SP140: variants seen among roughly 807,000 people sequenced by gnomAD.
The protein encoded by SP140 is SP140 nuclear body protein.
A neutral mutation model predicts 125.0 loss-of-function variants in SP140; 81 were observed. The observed-to-expected ratio is 0.65, with a 90% CI of 0.54 to 0.78. SP140 has a LOEUF of 0.78. Ranked by LOEUF, SP140 falls within the 30% of genes least tolerant of loss-of-function variation. The pLI is 0.00. For missense variants in SP140, 858 were observed against 1,037.0 expected (o/e 0.83, Z 2.37); for synonymous variants, 312 against 354.0 (o/e 0.88, Z 1.33).
At chr2:230,284,948 G>A (rs1209605553) in intron 16 of SP140, among the ~76,000 whole-genome samples, 1 of 152,010 alleles carries the variant, frequency 6.6e-6, no homozygotes, top group Non-Finnish European at 1.5e-5. Flanking sequence ...TAGAGGTGAT[G>A]TTTATATATT....
chr2:230,302,231 A>C (rs1022549917), intron 22 of SP140, among the ~76,000 whole-genome samples: 19 of 142,558 alleles, frequency 1.3e-4, no homozygotes, highest in African/African-American at 4.6e-4. Context: ...TAAAAATACA[A>C]AAAAAAAAAA....
rs370863803 is a variant in SP140, at chr2:230,248,956, G to A, written c.964G>A (p.Gly322Ser). 9.3e-6 allele frequency: 15 copies of A among 1,609,222 alleles called. No individual in the cohort carries two copies. The highest frequency in any genetic ancestry group is 1.2e-5 in the Non-Finnish European group (14 of 1,175,846). Residue 322 changes from glycine to serine, a missense_variant, in exon 9 of 27, where the codon GGT becomes AGT. Transcript: ENST00000392045. ...EPEKGLCLLP[G>S]EGEEGSDDCS... ...AGAGAAGGGGCTCTGTCTACTACCA[G>A]GTGAAGGAGAAGGTAATTATGATTT...
At chr2:230,218,122 A>G (rs554393651) in intron 3 of SP140, among the ~76,000 whole-genome samples, 22 of 152,384 alleles carry the variant, frequency 1.4e-4, no homozygotes, top group African/African-American at 5.0e-4. Flanking sequence ...CATTCTTGAC[A>G]AATTGTCAAG....
At chr2:230,271,161 G>A (rs1406267752) in intron 15 of SP140, among the ~76,000 whole-genome samples, 1 of 152,160 alleles carries the variant, frequency 6.6e-6, no homozygotes, top group Non-Finnish European at 1.5e-5. Context: ...ATACATTTGT[G>A]TTGTTTTAAA....
intron 3 of SP140, chr2:230,238,691 T>A (rs1401609592): frequency 2.4e-6 from 3 of 1,229,828 alleles, no homozygotes; most frequent in African/African-American, 3.0e-5. Flanking sequence ...TGTCTTTTCA[T>A]GGGAAAGGAG....
upstream of SP140, among the ~76,000 whole-genome samples, chr2:230,201,155 G>A (rs533632944): frequency 6.6e-6 from 1 of 152,166 alleles, no homozygotes; most frequent in Non-Finnish European, 1.5e-5. Flanking sequence ...CTCAGGGGAG[G>A]AGCAGACCGC....
At chr2:230,207,413 A>C (rs1272976015) in intron 1 of SP140, among the ~76,000 whole-genome samples, 1 of 152,162 alleles carries the variant, frequency 6.6e-6, no homozygotes, top group African/African-American at 2.4e-5. Context: ...ACTCATATAT[A>C]TAAGGAGATA....
rs550046283 is a variant in SP140, at chr2:230,313,087, C to T, written c.*403C>T. Reference sequence around the variant, plus strand: ...TTCCGTGGCCACCTCCATGCAGAAGCCCTAAGCCCACATTCTTTCGATAGC... The same window carrying T: ...TTCCGTGGCCACCTCCATGCAGAAGTCCTAAGCCCACATTCTTTCGATAGC... On this transcript the variant is annotated 3_prime_UTR_variant, in exon 27 of 27. Transcript: ENST00000392045. 1 of 193,706 alleles carries T rather than the reference C, an allele frequency of 5.2e-6. No homozygotes were observed. The highest frequency in any genetic ancestry group is 2.4e-5 in the African/African-American group (1 of 41,804). 12.0% of individuals were successfully genotyped at this position (193,706 alleles called of 1,614,324 possible).
chr2:230,195,410 C>T, the SP140 span, among the ~76,000 whole-genome samples: 1 of 152,144 alleles, frequency 6.6e-6, no homozygotes, highest in Admixed American at 6.5e-5. Flanking sequence ...TCTCAGCTCA[C>T]TGCAATCTCC....
At chr2:230,245,663 G>A (rs2049331524) in intron 6 of SP140, among the ~76,000 whole-genome samples, 200 bp from the exon 7 acceptor site, 1 of 152,084 alleles carries the variant, frequency 6.6e-6, no homozygotes, top group South Asian at 2.1e-4. Flanking sequence ...GTTAGAGGGA[G>A]AAAAAAGAAG....
upstream of SP140, chr2:230,202,652 TGA>T: frequency 1.2e-6 from 2 of 1,614,104 alleles, no homozygotes; most frequent in Non-Finnish European, 1.7e-6. Context: ...AGTTACAAGT[TGA>T]GTCATCTTTC....
chr2:230,267,565 C>G (rs2053312432), intron 12 of SP140, among the ~76,000 whole-genome samples: 1 of 152,136 alleles, frequency 6.6e-6, no homozygotes, highest in Non-Finnish European at 1.5e-5. Context: ...CAAAACCTCC[C>G]CATTGCAAGC....
At chr2:230,244,615 G>C (rs997411541) in intron 5 of SP140, among the ~76,000 whole-genome samples, 8 of 152,132 alleles carry the variant, frequency 5.3e-5, no homozygotes, top group Non-Finnish European at 1.2e-4. Flanking sequence ...TCTGCCATGT[G>C]GGATGCAAGA....
chr2:230,270,853 G>A (rs771807053), intron 15 of SP140: 7 of 602,260 alleles, frequency 1.2e-5, no homozygotes, highest in Admixed American at 2.2e-5. Context: ...AATTAAGCTA[G>A]AGACCTTGAA....
intron 15 of SP140, among the ~76,000 whole-genome samples, chr2:230,281,011 C>T (rs2055460596): frequency 6.6e-6 from 1 of 152,060 alleles, no homozygotes; most frequent in African/African-American, 2.4e-5. Flanking sequence ...TTTATTTCTT[C>T]TCAGTATAGT....
chr2:230,280,124 C>T (rs1368666741), intron 15 of SP140, among the ~76,000 whole-genome samples: 1 of 152,154 alleles, frequency 6.6e-6, no homozygotes, highest in Non-Finnish European at 1.5e-5. Flanking sequence ...GATTTGCATA[C>T]AAATGTGTTA....
At chr2:230,288,523 T>TTCTTTCTTTCTTTC (rs2056743432) in intron 18 of SP140, among the ~76,000 whole-genome samples, 1 of 150,818 alleles carries the variant, frequency 6.6e-6, no homozygotes, top group Non-Finnish European at 1.5e-5. Context: ...CTTTCTTTCT[T>TTCTTTCTTTCTTTC]TTTTTATTCT....
chr2:230,271,554 T>A (rs1311091700), intron 15 of SP140, among the ~76,000 whole-genome samples: 3 of 152,212 alleles, frequency 2.0e-5, no homozygotes, highest in Admixed American at 6.5e-5. Context: ...AGGGCCTCCT[T>A]ATTATATAGT....
intron 3 of SP140, among the ~76,000 whole-genome samples, chr2:230,217,597 G>A (rs140416538): frequency 7.5e-4 from 115 of 152,322 alleles, no homozygotes; most frequent in African/African-American, 2.7e-3. Context: ...AAACCCTTGC[G>A]AGGTGGTTCC....
Sources: gnomAD v4.1 joint callset for allele counts (sites outside exome capture counted in the v4.1 genomes callset) on GRCh38, gnomAD v4.1.1 for gene constraint, MANE v1.5 for transcripts, NCBI Gene and HGNC (gene_info 2026-07-23, HGNC 2026-07-21) for gene names.